Variants in UBE3B observed in about 807,000 individuals in gnomAD.
UBE3B encodes ubiquitin protein ligase E3B.
A neutral mutation model predicts 132.3 loss-of-function variants in UBE3B; 80 were observed. The observed-to-expected ratio is 0.60, with a 90% CI of 0.50 to 0.73. UBE3B has a LOEUF of 0.73. Among genes scored for constraint, UBE3B ranks in the 30% least tolerant of loss-of-function variants. The pLI, the probability that UBE3B is intolerant of heterozygous loss-of-function variation, is 0.00. For missense variants in UBE3B, 1,196 were observed against 1,362.5 expected (o/e 0.88, Z 1.92); for synonymous variants, 487 against 520.4 (o/e 0.94, Z 0.87).
chr12:109,520,482 C>T (rs892066490), intron 19 of UBE3B: 1 of 152,538 alleles, frequency 6.6e-6, no homozygotes, highest in Non-Finnish European at 1.5e-5. Context: ...AGCCAGAAGT[C>T]CAGGCCCAGC....
intron 19 of UBE3B, chr12:109,520,129 G>A (rs1207670417): frequency 1.3e-5 from 2 of 152,250 alleles, no homozygotes; most frequent in Non-Finnish European, 2.9e-5. Flanking sequence ...GGACAGCAGG[G>A]TTGATTGGTC....
At chr12:109,537,516 CCTCT>C (rs1883498079), downstream of UBE3B, among the ~76,000 whole-genome samples, 1 of 152,188 alleles carries the variant, frequency 6.6e-6, no homozygotes, top group Non-Finnish European at 1.5e-5. Context: ...AGGCTTGTGG[CCTCT>C]CTGGAAGTCA....
chr12:109,541,261 A>T (rs1883605109), downstream of UBE3B, among the ~76,000 whole-genome samples: 1 of 152,332 alleles, frequency 6.6e-6, no homozygotes, highest in African/African-American at 2.4e-5. Context: ...AGGCCGCAGA[A>T]GACCAAGCAG....
At position 109,534,560 on chromosome 12, in the gene UBE3B, C is replaced by T. The variant is rs773339219; in HGVS notation, c.3016-31C>T. ...GCCTGGGCTCCCAAACTAGGCCCTTCCCAATTCAAGGCCACGATGTGTGCC... is the reference window on the plus strand; with the variant it reads ...GCCTGGGCTCCCAAACTAGGCCCTTTCCAATTCAAGGCCACGATGTGTGCC... On this transcript the variant is annotated intron_variant, in intron 27 of 27. Coordinates refer to ENST00000342494, the MANE Select transcript of UBE3B (RefSeq NM_130466.4). This position sits in a 1 kb window ranked among gnomAD's most constrained non-coding sequence, Gnocchi z 5.2. 6.3e-7 allele frequency: 1 copy of T among 1,578,806 alleles called. No homozygotes were observed. The highest frequency in any genetic ancestry group is 1.4e-5 in the African/African-American group (1 of 73,622).
chr12:109,484,357 G>A (rs1044675088), intron 4 of UBE3B, among the ~76,000 whole-genome samples: 4 of 152,182 alleles, frequency 2.6e-5, no homozygotes, highest in Admixed American at 2.0e-4. Flanking sequence ...CCCCATCCAC[G>A]GGGAGCAGCT....
Position 109,534,124 on chromosome 12 carries a change from G to A in UBE3B, c.3016-467G>A, listed in dbSNP as rs1203416088. On this transcript the variant is annotated intron_variant, in intron 27 of 27. Coordinates refer to ENST00000342494, the MANE Select transcript of UBE3B (RefSeq NM_130466.4). This position sits in a 1 kb window ranked among gnomAD's most constrained non-coding sequence, Gnocchi z 5.2. ...TCTGGGTGTAGCTGCCTCTCATGAT[G>A]CAGTTTGAGCCCGTGATGCCACCTT... 6.2e-6 allele frequency: 8 copies of A among 1,294,602 alleles called. No homozygotes were observed. Among genetic ancestry groups the A allele is most frequent in the African/African-American group, 1.5e-5 (1 of 66,130 alleles). 80.2% of individuals were successfully genotyped at this position (1,294,602 alleles called of 1,614,324 possible). A position where few individuals can be genotyped will look rare whatever the true frequency, so the allele number is the denominator to read the frequency against.
At chr12:109,527,174 A>G (rs1236992432) in intron 24 of UBE3B, among the ~76,000 whole-genome samples, 1 of 152,224 alleles carries the variant, frequency 6.6e-6, no homozygotes, top group Non-Finnish European at 1.5e-5. Context: ...AGGTCCTTAG[A>G]CATGGGAATT....
At chr12:109,545,749 C>G in the UBE3B span, among the ~76,000 whole-genome samples, 477 of 152,326 alleles carry the variant, frequency 3.1e-3, 1 homozygote, top group Non-Finnish European at 3.3e-3. Flanking sequence ...CCCACTTACC[C>G]TTGCCGGGGA....
At chr12:109,491,887 T>C (rs898212592) in intron 9 of UBE3B, 1 of 152,092 alleles carries the variant, frequency 6.6e-6, no homozygotes, top group Non-Finnish European at 1.5e-5. Flanking sequence ...TAACCCGGGG[T>C]TGGCCCAAAC....
chr12:109,509,715 G>T lies in UBE3B; in HGVS notation c.1741+1G>T. ...AAGATGATCTGGGATGGAATTGTAG[G>T]TAAGAGAAAAGGTGTCTGCTGTTGT... On this transcript the variant is annotated splice_donor_variant, in intron 16 of 27. Coordinates refer to ENST00000342494, the MANE Select transcript of UBE3B (RefSeq NM_130466.4). LOFTEE classifies it high-confidence loss of function. 1.3e-6 allele frequency: 2 copies of T among 1,595,396 alleles called. No homozygotes were observed. The highest frequency in any genetic ancestry group is 2.7e-5 in the African/African-American group (2 of 74,084).
downstream of UBE3B, among the ~76,000 whole-genome samples, chr12:109,541,146 G>A (rs1883602805): frequency 6.6e-6 from 1 of 152,252 alleles, no homozygotes; most frequent in Non-Finnish European, 1.5e-5. Flanking sequence ...CTGCGGCTGA[G>A]TGGCCTTCAG....
chr12:109,538,607 C>A (rs937315349), downstream of UBE3B, among the ~76,000 whole-genome samples: 1 of 152,216 alleles, frequency 6.6e-6, no homozygotes, highest in Non-Finnish European at 1.5e-5. The surrounding 1 kb of genome is among the most constrained non-coding windows in gnomAD (Gnocchi z 4.1). Context: ...CATTTCCTCA[C>A]CTTTCACTTT....
intron 14 of UBE3B, among the ~76,000 whole-genome samples, chr12:109,506,495 C>A (rs1311369700): frequency 6.6e-6 from 1 of 152,218 alleles, no homozygotes; most frequent in Non-Finnish European, 1.5e-5. Context: ...ATTACAGGTG[C>A]TGGCCACCAC....
chr12:109,484,847 C>T (rs1022207844), intron 4 of UBE3B, among the ~76,000 whole-genome samples: 1 of 152,134 alleles, frequency 6.6e-6, no homozygotes, highest in African/African-American at 2.4e-5. Flanking sequence ...TCTTGACCTC[C>T]CAAGTCTCAA....
chr12:109,494,063 C>T (rs1028721309), intron 9 of UBE3B, among the ~76,000 whole-genome samples: 5 of 152,064 alleles, frequency 3.3e-5, no homozygotes, highest in South Asian at 4.1e-4. Flanking sequence ...TGGCCTCAAG[C>T]GATCCTCATG....
intron 1 of UBE3B, among the ~76,000 whole-genome samples, chr12:109,479,652 T>C (rs1875010800): frequency 6.6e-6 from 1 of 152,224 alleles, no homozygotes; most frequent in African/African-American, 2.4e-5. Context: ...GTATACACTG[T>C]GCAGGTGGAG....
chr12:109,488,669 G>C lies in UBE3B; in HGVS notation c.544+1G>C, dbSNP rs1335299760. On this transcript the variant is annotated splice_donor_variant, in intron 7 of 27. Coordinates refer to ENST00000342494, the MANE Select transcript of UBE3B (RefSeq NM_130466.4). LOFTEE classifies it high-confidence loss of function. ...ACGTGGAAAATTCTTCGGGGAAAAG[G>C]TCTGTGGGACTTGCTTCAAAATGTT... 1 of 1,613,290 alleles carries C rather than the reference G, an allele frequency of 6.2e-7. No individual in the cohort carries two copies. The highest frequency in any genetic ancestry group is 8.5e-7 in the Non-Finnish European group (1 of 1,179,390).
At chr12:109,505,355 C>T (rs1176847075) in intron 14 of UBE3B, among the ~76,000 whole-genome samples, 1 of 152,210 alleles carries the variant, frequency 6.6e-6, no homozygotes, top group South Asian at 2.1e-4. Context: ...CCATCTCTGT[C>T]TAAATGGCTA....
intron 24 of UBE3B, chr12:109,528,242 A>T (rs1882568097): frequency 1.3e-6 from 1 of 743,986 alleles, no homozygotes; most frequent in Middle Eastern, 7.0e-4. Flanking sequence ...TGAGTGTTGG[A>T]TGTTTCCCAT....
Sources: gnomAD v4.1 joint callset for allele counts (sites outside exome capture counted in the v4.1 genomes callset) on GRCh38, gnomAD v4.1.1 for gene constraint, Gnocchi (gnomAD v3.1) non-coding constraint, MANE v1.5 for transcripts, NCBI Gene and HGNC (gene_info 2026-07-23, HGNC 2026-07-21) for gene names.